CUX1: variants seen among roughly 807,000 people sequenced by gnomAD.
The protein encoded by CUX1 is protein CASP.
Under a neutral mutation model 158.8 loss-of-function variants are expected in CUX1, and 31 were observed. That is an observed-to-expected ratio of 0.20 (90% CI 0.15 to 0.26). The LOEUF (loss-of-function observed/expected upper bound fraction) is 0.26. Among genes scored for constraint, CUX1 ranks in the 10% least tolerant of loss-of-function variants. CUX1 has a pLI of 1.00. For missense variants in CUX1, 1,589 were observed against 2,014.6 expected (o/e 0.79, Z 4.04); for synonymous variants, 879 against 862.1 (o/e 1.02, Z -0.34).
At chr7:102,067,987 C>T (rs1431242249) in intron 3 of CUX1, among the ~76,000 whole-genome samples, 1 of 152,010 alleles carries the variant, frequency 6.6e-6, no homozygotes, top group African/African-American at 2.4e-5. Context: ...CGCCACTGCA[C>T]TCCAGCCTGG....
intron 4 of CUX1, among the ~76,000 whole-genome samples, chr7:102,086,301 C>G (rs1438180422): frequency 1.4e-5 from 2 of 147,586 alleles, no homozygotes; most frequent in Non-Finnish European, 3.0e-5. Context: ...TTATTAGCTA[C>G]TTTCTACTTA....
intron 2 of CUX1, among the ~76,000 whole-genome samples, chr7:101,988,747 T>C (rs1189052484): frequency 1.3e-5 from 2 of 152,110 alleles, no homozygotes; most frequent in Non-Finnish European, 2.9e-5. Flanking sequence ...ATACCTGTTA[T>C]CTCAGCACTT....
downstream of CUX1, among the ~76,000 whole-genome samples, chr7:102,262,213 C>T (rs1213728035): frequency 6.6e-6 from 1 of 152,190 alleles, no homozygotes; most frequent in African/African-American, 2.4e-5. Context: ...ACCATCCTGG[C>T]TAACATGGTG....
intron 10 of CUX1, among the ~76,000 whole-genome samples, chr7:102,177,397 G>A (rs185082352): frequency 5.3e-4 from 77 of 144,852 alleles, no homozygotes; most frequent in African/African-American, 1.9e-3. Flanking sequence ...CTGGGCGACA[G>A]ACCAAAACTC....
chr7:101,948,672 T>G (rs1808673302), intron 2 of CUX1, among the ~76,000 whole-genome samples: 1 of 152,122 alleles, frequency 6.6e-6, no homozygotes, highest in Non-Finnish European at 1.5e-5. Context: ...GTGGCTCTGC[T>G]GGGGGGGCAT....
In CUX1 at chr7:102,170,680, G is replaced by A. The variant is rs1028632067; in HGVS notation, c.828+130G>A. Reference sequence around the variant, plus strand: ...ACGTTTTAACTAGTACTGCTTTCTCGGTGGGGTTTGCTTTGACCAATTGGG... The same window carrying A: ...ACGTTTTAACTAGTACTGCTTTCTCAGTGGGGTTTGCTTTGACCAATTGGG... On this transcript the variant is annotated intron_variant, in intron 10 of 23. Transcript: ENST00000292535. 18 of 637,766 alleles carry A rather than the reference G, an allele frequency of 2.8e-5. No homozygotes were observed. The East Asian group carries it at 2.9e-4, about 10-fold the overall frequency. The allele number at this position is 637,766 out of a possible 1,614,324, so 39.5% of individuals were successfully genotyped here.
chr7:102,283,346 T>C (rs1792258302), exon 23 of CUX1: 2 of 528,280 alleles, frequency 3.8e-6, no homozygotes, highest in African/African-American at 1.9e-5. Flanking sequence ...AGCCCCCACC[T>C]CAGGTTAGGG....
intron 14 of CUX1, among the ~76,000 whole-genome samples, chr7:102,196,194 G>A (rs1380793267): frequency 6.6e-6 from 1 of 152,230 alleles, no homozygotes; most frequent in African/African-American, 2.4e-5. Context: ...TCCACATCGA[G>A]GGGGCTCGGT....
At chr7:102,162,506 G>T (rs138035355) in intron 9 of CUX1, among the ~76,000 whole-genome samples, 5 of 151,882 alleles carry the variant, frequency 3.3e-5, no homozygotes, top group African/African-American at 1.2e-4. Context: ...CCCCATCCTG[G>T]GTTCAAGCGA....
intron 21 of CUX1, among the ~76,000 whole-genome samples, chr7:102,229,405 G>A (rs567653233): frequency 7.3e-5 from 11 of 151,254 alleles, no homozygotes; most frequent in South Asian, 2.1e-4. Context: ...ACTGAATGCC[G>A]GGTTCACGCG....
chr7:102,051,885 C>T (rs1823552297), intron 3 of CUX1, among the ~76,000 whole-genome samples: 1 of 152,006 alleles, frequency 6.6e-6, no homozygotes, highest in Non-Finnish European at 1.5e-5. Context: ...AGCCATCACC[C>T]TAATTCCAGA....
chr7:102,144,962 C>T (rs1344746967), intron 8 of CUX1, among the ~76,000 whole-genome samples: 1 of 151,670 alleles, frequency 6.6e-6, no homozygotes, highest in Non-Finnish European at 1.5e-5. Context: ...GTGGCACACA[C>T]CTGTAGTCCC....
At chr7:102,052,563 C>G (rs1451311860) in intron 3 of CUX1, among the ~76,000 whole-genome samples, 1 of 151,938 alleles carries the variant, frequency 6.6e-6, no homozygotes, top group Non-Finnish European at 1.5e-5. Context: ...GTTTTGTTTC[C>G]CCACTTTTTG....
At chr7:102,164,131 C>T (rs1174314866) in intron 9 of CUX1, among the ~76,000 whole-genome samples, 9 of 152,188 alleles carry the variant, frequency 5.9e-5, no homozygotes, top group Admixed American at 1.3e-4. Flanking sequence ...CCGTCCCGTC[C>T]GGGGGCTTTC....
At chr7:102,189,775 C>T (rs782664222) in intron 11 of CUX1, 38 bp from the exon 12 acceptor site, 2 of 1,610,388 alleles carry the variant, frequency 1.2e-6, no homozygotes, top group Non-Finnish European at 1.7e-6. Context: ...GACCTGTTGT[C>T]AGGCATGGCC....
chr7:102,128,532 G>T (rs1832887927), intron 8 of CUX1, among the ~76,000 whole-genome samples: 1 of 150,374 alleles, frequency 6.7e-6, no homozygotes, highest in South Asian at 2.2e-4. Flanking sequence ...TGGCCTTCAG[G>T]CAGGGCTGCA....
chr7:102,274,303 A>G, exon 16 of CUX1: 1 of 1,613,348 alleles, frequency 6.2e-7, no homozygotes, highest in Non-Finnish European at 8.5e-7. Flanking sequence ...CCACTGCCCT[A>G]TTCTACGGTA....
chr7:102,031,209 C>CCACCT (rs1820750895), intron 3 of CUX1, among the ~76,000 whole-genome samples: 2 of 152,150 alleles, frequency 1.3e-5, no homozygotes, highest in Non-Finnish European at 2.9e-5. Flanking sequence ...CAGGCATGCA[C>CCACCT]CACCTCGCCC....
At chr7:102,005,544 C>T (rs994911345) in intron 2 of CUX1, among the ~76,000 whole-genome samples, 1 of 152,184 alleles carries the variant, frequency 6.6e-6, no homozygotes, top group African/African-American at 2.4e-5. Flanking sequence ...CTATCTTTCC[C>T]AGGCTGGTCT....
Sources: gnomAD v4.1 joint callset for allele counts (sites outside exome capture counted in the v4.1 genomes callset) on GRCh38, gnomAD v4.1.1 for gene constraint, MANE v1.5 for transcripts, NCBI Gene and HGNC (gene_info 2026-07-23, HGNC 2026-07-21) for gene names.